LOC400499: variants seen among roughly 807,000 people sequenced by gnomAD.
chr16:11,399,276 G>A, the LOC400499 span: 2 of 982,826 alleles, frequency 2.0e-6, no homozygotes, highest in Non-Finnish European at 2.4e-6. Flanking sequence ...TTGTCTTCCA[G>A]AGCCCTCACC....
chr16:11,494,227 G>A, the LOC400499 span, among the ~76,000 whole-genome samples: 11 of 150,270 alleles, frequency 7.3e-5, no homozygotes, highest in African/African-American at 2.2e-4. Flanking sequence ...CACCTTCTCG[G>A]GGTAGGGGCC....
At chr16:11,381,197 G>A in the LOC400499 span, 1 of 152,236 alleles carries the variant, frequency 6.6e-6, no homozygotes, top group South Asian at 2.1e-4. Flanking sequence ...TTGTTTCTCT[G>A]CAGCTGGTAT....
chr16:11,422,578 G>A, the LOC400499 span, among the ~76,000 whole-genome samples: 1 of 152,170 alleles, frequency 6.6e-6, no homozygotes, highest in Admixed American at 6.5e-5. Flanking sequence ...TATGTCACCT[G>A]TTTTATGAGG....
the LOC400499 span, chr16:11,396,321 G>GGT: frequency 2.1e-6 from 1 of 473,908 alleles, no homozygotes. Context: ...GCCAGGCCTG[G>GGT]GGTTCAGCAG....
At chr16:11,377,570 G>A in the LOC400499 span, among the ~76,000 whole-genome samples, 1 of 152,194 alleles carries the variant, frequency 6.6e-6, no homozygotes, top group Non-Finnish European at 1.5e-5. Context: ...AAATAGTCAT[G>A]TGTTTTCTTT....
chr16:11,461,042 C>G, the LOC400499 span: 5 of 1,536,124 alleles, frequency 3.3e-6, no homozygotes, highest in Non-Finnish European at 4.4e-6. Flanking sequence ...GCACGAAGCC[C>G]CACCAGCCCT....
At chr16:11,422,510 G>T in the LOC400499 span, among the ~76,000 whole-genome samples, 1 of 152,168 alleles carries the variant, frequency 6.6e-6, no homozygotes, top group Non-Finnish European at 1.5e-5. Flanking sequence ...AGCAACAGCG[G>T]CAGCAGCTGC....
chr16:11,404,734 G>A, the LOC400499 span: 1 of 399,044 alleles, frequency 2.5e-6, no homozygotes, highest in Non-Finnish European at 4.4e-6. Context: ...GTGGGCTTGG[G>A]GAAAGGCCCA....
At chr16:11,425,248 C>A in the LOC400499 span, 1 of 399,004 alleles carries the variant, frequency 2.5e-6, no homozygotes, top group Non-Finnish European at 4.4e-6. Flanking sequence ...CTGGCCTGGG[C>A]CCTCAGGTTC....
At chr16:11,451,914 CA>C in the LOC400499 span, among the ~76,000 whole-genome samples, 1 of 152,126 alleles carries the variant, frequency 6.6e-6, no homozygotes, top group Non-Finnish European at 1.5e-5. Flanking sequence ...GCTCCCTTCC[CA>C]CGGGAAGCGG....
At chr16:11,449,090 G>C in the LOC400499 span, 1 of 1,460,064 alleles carries the variant, frequency 6.8e-7, no homozygotes, top group Admixed American at 2.0e-5. Context: ...TCTGTGCCAA[G>C]ACTGTCACTG....
the LOC400499 span, chr16:11,460,759 G>C: frequency 7.7e-7 from 1 of 1,300,844 alleles, no homozygotes; most frequent in South Asian, 1.6e-5. Context: ...CCTGTCGATG[G>C]GGAGGTGTTA....
At chr16:11,454,250 G>A in the LOC400499 span, among the ~76,000 whole-genome samples, 1 of 152,328 alleles carries the variant, frequency 6.6e-6, no homozygotes, top group South Asian at 2.1e-4. Flanking sequence ...CCAGTAGAAT[G>A]AAGACATTTT....
the LOC400499 span, among the ~76,000 whole-genome samples, chr16:11,414,826 C>T: frequency 6.6e-6 from 1 of 152,216 alleles, no homozygotes; most frequent in Non-Finnish European, 1.5e-5. Context: ...CAGTCCTTGG[C>T]TGCCAGGCAT....
At chr16:11,410,172 G>T in the LOC400499 span, among the ~76,000 whole-genome samples, 5 of 152,084 alleles carry the variant, frequency 3.3e-5, no homozygotes, top group Non-Finnish European at 7.4e-5. Context: ...CAAAAAATAA[G>T]GCTGGGCGCA....
At chr16:11,518,341 C>T in the LOC400499 span, among the ~76,000 whole-genome samples, 27 of 152,080 alleles carry the variant, frequency 1.8e-4, no homozygotes, top group South Asian at 1.9e-3. Flanking sequence ...TTGAGGCCAC[C>T]GAGGCCCTGT....
chr16:11,416,361 A>G, the LOC400499 span, among the ~76,000 whole-genome samples: 1 of 152,260 alleles, frequency 6.6e-6, no homozygotes, highest in Non-Finnish European at 1.5e-5. Flanking sequence ...TGGGGGTCAG[A>G]GGATGGCTCT....
At chr16:11,412,628 G>C in the LOC400499 span, among the ~76,000 whole-genome samples, 1 of 152,246 alleles carries the variant, frequency 6.6e-6, no homozygotes, top group Non-Finnish European at 1.5e-5. Context: ...CTGAGACTGA[G>C]AACTCATCAG....
the LOC400499 span, among the ~76,000 whole-genome samples, chr16:11,515,110 A>G: frequency 6.6e-6 from 1 of 152,194 alleles, no homozygotes; most frequent in African/African-American, 2.4e-5. Flanking sequence ...GTTCAAGATC[A>G]GCCTGGGCAA....
Sources: gnomAD v4.1 joint callset for allele counts (sites outside exome capture counted in the v4.1 genomes callset) on GRCh38, gnomAD v4.1.1 for gene constraint, MANE v1.5 for transcripts.